ADGRD1: variants seen among roughly 807,000 people sequenced by gnomAD.
ADGRD1 encodes the protein G-protein coupled receptor 133.
A neutral mutation model predicts 113.4 loss-of-function variants in ADGRD1; 77 were observed. That is an observed-to-expected ratio of 0.68 (90% CI 0.57 to 0.82). The LOEUF (loss-of-function observed/expected upper bound fraction) is 0.82, where lower values mean the gene tolerates loss of function less well. Among genes scored for constraint, ADGRD1 ranks in the 40% least tolerant of loss-of-function variants. The probability of loss-of-function intolerance (pLI) is 0.00; values close to 1 mark genes in which losing one functional copy is unlikely to be tolerated. For missense variants in ADGRD1, 1,036 were observed against 1,139.1 expected (o/e 0.91, Z 1.30); for synonymous variants, 474 against 475.0 (o/e 1.00, Z 0.03).
chr12:130,987,470 C>T lies in ADGRD1; in HGVS notation c.745+121C>T. 2.9e-6 allele frequency: 3 copies of T among 1,040,358 alleles called. No homozygotes were observed. In the Admixed American group the frequency reaches 6.8e-5, roughly 24 times the overall value. The allele number at this position is 1,040,358 out of a possible 1,614,324, so 64.4% of individuals were successfully genotyped here. A position where few individuals can be genotyped will look rare whatever the true frequency, so the allele number is the denominator to read the frequency against. On this transcript the variant is annotated intron_variant, in intron 6 of 24. Transcript: ENST00000261654. The stretch of plus-strand genomic sequence containing the variant: ...TCAGCACTGCAGGCGTGAGATGTGT[C>T]CTAATGAACCTTATAAACACAGTTG...
rs1458632804 is a variant in ADGRD1 at position 131,057,687 on chromosome 12, T to C, written c.1474-19114T>C. ...GAGGGCTCGTCCCCATCTAGCACAG[T>C]CTCATCTTCAACGTTACATTAATGA... On this transcript the variant is annotated intron_variant, in intron 13 of 24. Coordinates refer to ENST00000261654, the MANE Select transcript of ADGRD1 (RefSeq NM_198827.5). The surrounding 1 kb of genome is among the most constrained non-coding windows in gnomAD (Gnocchi z 4.2). Among the ~76,000 whole-genome samples, 1 of 152,042 alleles carries C rather than the reference T, an allele frequency of 6.6e-6. No homozygotes were observed. The highest frequency in any genetic ancestry group is 2.4e-5 in the African/African-American group (1 of 41,390).
rs576542271 is a variant in ADGRD1 at position 131,041,495 on chromosome 12, G to A, written c.1473+27155G>A. ...AACTAGTGACCTTGGCAGGGAGACC[G>A]AGACCGAGACCACTTTGTGACCTCC... is the stretch of plus-strand genomic sequence containing the variant. On this transcript the variant is annotated intron_variant, in intron 13 of 24. Transcript: ENST00000261654. This position sits in a 1 kb window ranked among gnomAD's most constrained non-coding sequence, Gnocchi z 4.4. Among the ~76,000 whole-genome samples the A allele has an allele frequency of 2.6e-5, 4 of 152,326 alleles. No homozygotes were observed. The highest frequency in any genetic ancestry group is 7.2e-5 in the African/African-American group (3 of 41,572).
At chr12:131,101,128 T>C (rs1450462626) in intron 15 of ADGRD1, among the ~76,000 whole-genome samples, 2 of 152,080 alleles carry the variant, frequency 1.3e-5, no homozygotes, top group Non-Finnish European at 2.9e-5. Context: ...GCAGCTATGG[T>C]GTCCGAGAGT....
intron 13 of ADGRD1, among the ~76,000 whole-genome samples, chr12:131,020,065 G>A (rs1181179065): frequency 1.3e-5 from 1 of 75,618 alleles, no homozygotes; most frequent in African/African-American, 4.7e-5. Flanking sequence ...GAAGGACCCC[G>A]AGCTCCGTCC....
intron 8 of ADGRD1, among the ~76,000 whole-genome samples, chr12:130,997,005 G>A (rs1252678518): frequency 2.2e-5 from 3 of 137,364 alleles, no homozygotes; most frequent in Admixed American, 1.4e-4. Context: ...TGGCCAGGCG[G>A]GGGGCTGACC....
At chr12:131,071,404 G>A (rs1566083156) in intron 13 of ADGRD1, among the ~76,000 whole-genome samples, 1 of 152,170 alleles carries the variant, frequency 6.6e-6, no homozygotes, top group Non-Finnish European at 1.5e-5. Flanking sequence ...GGCTAAGTGA[G>A]TGGGGCGAGG....
chr12:131,018,196 A>G (rs1593049673), intron 13 of ADGRD1, among the ~76,000 whole-genome samples: 1 of 152,096 alleles, frequency 6.6e-6, no homozygotes, highest in African/African-American at 2.4e-5. Context: ...CCGCCCAGGC[A>G]GCCCCCTCCT....
chr12:131,018,200 C>T (rs1390550984), intron 13 of ADGRD1, among the ~76,000 whole-genome samples: 2 of 152,190 alleles, frequency 1.3e-5, no homozygotes, highest in Non-Finnish European at 2.9e-5. Context: ...CCAGGCAGCC[C>T]CCTCCTCTCC....
At chr12:130,955,502 T>TG (rs1387278419) in intron 2 of ADGRD1, among the ~76,000 whole-genome samples, 12 of 152,148 alleles carry the variant, frequency 7.9e-5, no homozygotes, top group African/African-American at 2.9e-4. Flanking sequence ...GCACACACCC[T>TG]TCGCTGTTAA....
At position 130,954,501 on chromosome 12, in the gene ADGRD1, C is replaced by T. The variant is rs762629557; in HGVS notation, c.36C>T (p.Ser12=). The change falls in exon 1 of 25, where the codon TCC becomes TCT. Residue 12 remains serine (S), a synonymous_variant. Transcript: ENST00000261654. This position sits in a 1 kb window ranked among gnomAD's most constrained non-coding sequence, Gnocchi z 4.7. ...TGCTGCGGCTGTGCTGCTGGTACTC[C>T]TGGCTGCTGCTATTTTATTACAACT... ...EKLLRLCCWY[S]WLLLFYYNFQ... is the part of the protein sequence containing the mutation. 4.4e-6 allele frequency: 7 copies of T among 1,592,260 alleles called. No homozygotes were observed. The highest frequency in any genetic ancestry group is 2.7e-5 in the African/African-American group (2 of 74,310).
At chr12:131,061,524 T>G (rs2137087834) in intron 13 of ADGRD1, among the ~76,000 whole-genome samples, 1 of 152,356 alleles carries the variant, frequency 6.6e-6, no homozygotes, top group Non-Finnish European at 1.5e-5. Flanking sequence ...TAACTGTTTT[T>G]TTAAACTTCT....
In ADGRD1 at chr12:131,004,218, G is replaced by T; in HGVS notation, c.1177G>T (p.Val393Leu). The part of the protein sequence containing the change: ...FSVAKILPKT[V>L]NSSHYRFPAH... ...CGTGGCCAAAATCCTGCCCAAGACC[G>T]TGAATTCCTCCCATTACCGCTTCCC... The change falls in exon 11 of 25, where the codon GTG (valine) becomes TTG (leucine). Residue 393 changes from valine to leucine, a missense_variant. Coordinates refer to ENST00000261654, the MANE Select transcript of ADGRD1 (RefSeq NM_198827.5). The T allele has an allele frequency of 6.2e-7, 1 of 1,613,834 alleles. No homozygotes were observed. The highest frequency in any genetic ancestry group is 1.1e-5 in the South Asian group (1 of 91,052).
At chr12:130,998,143 C>T (rs563382560) in intron 8 of ADGRD1, among the ~76,000 whole-genome samples, 7 of 148,770 alleles carry the variant, frequency 4.7e-5, no homozygotes, top group Non-Finnish European at 7.4e-5. Flanking sequence ...AGCTTCGGCT[C>T]GGCATCAGAG....
chr12:131,076,162 A>C (rs1885587312), intron 13 of ADGRD1, among the ~76,000 whole-genome samples: 1 of 152,210 alleles, frequency 6.6e-6, no homozygotes, highest in Non-Finnish European at 1.5e-5. Context: ...TCATTCATTG[A>C]ACAGATATTT....
intron 13 of ADGRD1, among the ~76,000 whole-genome samples, chr12:131,040,264 T>C (rs1415734979): frequency 6.6e-6 from 1 of 152,184 alleles, no homozygotes. Flanking sequence ...GGCTTCCTCC[T>C]CTCCCTCCTG....
At chr12:131,128,553 A>G (rs1732826) in intron 20 of ADGRD1, among the ~76,000 whole-genome samples, 6 of 151,450 alleles carry the variant, frequency 4.0e-5, no homozygotes, top group Non-Finnish European at 8.9e-5. Context: ...GATTTATGAA[A>G]TGGCAACACA....
intron 3 of ADGRD1, chr12:130,967,512 G>A (rs931210869): frequency 1.3e-5 from 2 of 154,266 alleles, no homozygotes; most frequent in Non-Finnish European, 2.9e-5. Context: ...ATCCTAGCAC[G>A]TGCTTCGGTC....
chr12:131,078,734 A>G (rs10732591), intron 14 of ADGRD1, among the ~76,000 whole-genome samples: 132,608 of 152,188 alleles, frequency 0.87, 58,358 homozygotes, highest in East Asian at 1. Flanking sequence ...CTAAAACATC[A>G]CAGATGATGT....
At chr12:130,983,278 C>T (rs954692363) in intron 5 of ADGRD1, among the ~76,000 whole-genome samples, 6 of 152,132 alleles carry the variant, frequency 3.9e-5, no homozygotes, top group South Asian at 2.1e-4. Flanking sequence ...TGTGGATGCT[C>T]GGTGTGCTCG....
Sources: allele counts gnomAD v4.1 joint callset (sites outside exome capture counted in the v4.1 genomes callset), GRCh38; gene constraint gnomAD v4.1.1; non-coding constraint Gnocchi (gnomAD v3.1); transcripts MANE v1.5; gene names NCBI Gene and HGNC (gene_info 2026-07-23, HGNC 2026-07-21).